GRM7: variants seen among roughly 807,000 people sequenced by gnomAD.
GRM7 encodes metabotropic glutamate receptor 7.
Under a neutral mutation model 84.5 loss-of-function variants are expected in GRM7, and 35 were observed. That is an observed-to-expected ratio of 0.41 (90% CI 0.32 to 0.55). GRM7 has a LOEUF of 0.55. GRM7 is among the 20% of genes least tolerant of loss of function. The pLI, the probability that GRM7 is intolerant of heterozygous loss-of-function variation, is 0.19. For synonymous variants in GRM7, 487 were observed against 455.1 expected (o/e 1.07, Z -0.89); for missense variants, 1,003 against 1,194.6 (o/e 0.84, Z 2.36).
At chr3:7,039,341 G>T (rs1696504033) in intron 1 of GRM7, among the ~76,000 whole-genome samples, 1 of 152,324 alleles carries the variant, frequency 6.6e-6, no homozygotes, top group African/African-American at 2.4e-5. Flanking sequence ...TCTTAAATGA[G>T]AAAGTGTTTT....
At chr3:7,262,388 T>C (rs1441677179) in intron 2 of GRM7, among the ~76,000 whole-genome samples, 2 of 152,168 alleles carry the variant, frequency 1.3e-5, no homozygotes, top group Non-Finnish European at 2.9e-5. Context: ...CTTGGTCTAT[T>C]CTGTTGTTAA....
chr3:7,666,216 C>A (rs1699693822), intron 8 of GRM7, among the ~76,000 whole-genome samples: 1 of 152,112 alleles, frequency 6.6e-6, no homozygotes, highest in African/African-American at 2.4e-5. Flanking sequence ...AAGGTTGAAC[C>A]TGAAGAATGA....
At chr3:7,459,616 A>C (rs940632563) in intron 6 of GRM7, among the ~76,000 whole-genome samples, 5 of 152,088 alleles carry the variant, frequency 3.3e-5, no homozygotes, top group Non-Finnish European at 7.4e-5. Flanking sequence ...TTTTAAAGAC[A>C]TCAGATCTGG....
chr3:7,674,174 T>G (rs116196710), intron 8 of GRM7, among the ~76,000 whole-genome samples: 32 of 152,100 alleles, frequency 2.1e-4, no homozygotes, highest in Middle Eastern at 6.9e-3. Context: ...CATCATGAAT[T>G]CTTTAGTAGT....
At chr3:7,591,326 T>C (rs1457328520) in intron 8 of GRM7, 1 of 207,274 alleles carries the variant, frequency 4.8e-6, no homozygotes, top group Non-Finnish European at 1.0e-5. Flanking sequence ...CAATCTCATA[T>C]ATAATTTTCA....
intron 1 of GRM7, among the ~76,000 whole-genome samples, chr3:6,876,310 G>A (rs1287721198): frequency 6.6e-6 from 1 of 152,040 alleles, no homozygotes; most frequent in African/African-American, 2.4e-5. Flanking sequence ...AGGGCCACTG[G>A]GTAGGAGTCA....
rs1239278114 is a variant in GRM7, at chr3:7,395,049, A to G, written c.1034-19974A>G. Among the ~76,000 whole-genome samples, 4 of 152,194 alleles carry G rather than the reference A, an allele frequency of 2.6e-5. No homozygotes were observed. The East Asian group carries it at 7.8e-4, about 30-fold the overall frequency. On this transcript the variant is annotated intron_variant, in intron 4 of 9. Coordinates refer to ENST00000357716, the MANE Select transcript of GRM7 (RefSeq NM_000844.4). ...GTGAAACTCTGTCTCAAAAAAAAAA[A>G]AAAAAAAGTTATAAGCGTATCTTAT...
rs1702672259 is a variant in GRM7, at chr3:7,740,924, T to A, written c.*518T>A. ...GGAAAAATTTTAAAACAATTAAAAT[T>A]TTAAAGCAATCTTGGCAGACTAAAA... On this transcript the variant is annotated 3_prime_UTR_variant, in exon 10 of 10. Transcript: ENST00000357716. The A allele has an allele frequency of 6.5e-6, 1 of 152,678 alleles. No individual in the cohort carries two copies. Among genetic ancestry groups the A allele is most frequent in the African/African-American group, 2.4e-5 (1 of 41,460 alleles). 9.5% of individuals were successfully genotyped at this position (152,678 alleles called of 1,614,324 possible). A position where few individuals can be genotyped will look rare whatever the true frequency, so the allele number is the denominator to read the frequency against.
chr3:7,698,937 A>G (rs988288505), intron 9 of GRM7, among the ~76,000 whole-genome samples: 1 of 152,196 alleles, frequency 6.6e-6, no homozygotes, highest in Non-Finnish European at 1.5e-5. Context: ...TTGAGGTTTT[A>G]CAACCAAGGA....
At chr3:6,964,200 A>C (rs1693409823) in intron 1 of GRM7, among the ~76,000 whole-genome samples, 1 of 152,152 alleles carries the variant, frequency 6.6e-6, no homozygotes, top group Non-Finnish European at 1.5e-5. Context: ...ACAAAGTACT[A>C]TGGACTGGGT....
At chr3:7,506,960 TACC>T (rs768552121) in intron 7 of GRM7, among the ~76,000 whole-genome samples, 38 of 152,200 alleles carry the variant, frequency 2.5e-4, no homozygotes, top group Non-Finnish European at 3.1e-4. Context: ...CTCTCACACC[TACC>T]ATCTTTTATC....
intron 1 of GRM7, among the ~76,000 whole-genome samples, chr3:6,868,935 C>G (rs921976211): frequency 6.6e-6 from 1 of 152,116 alleles, no homozygotes; most frequent in Non-Finnish European, 1.5e-5. Flanking sequence ...TCCACGGCTG[C>G]TGACTTTCTT....
intron 4 of GRM7, among the ~76,000 whole-genome samples, chr3:7,398,217 T>G (rs2125153217): frequency 6.6e-6 from 1 of 152,308 alleles, no homozygotes; most frequent in African/African-American, 2.4e-5. Context: ...TCAGAATTGC[T>G]TCAAAACATC....
intron 4 of GRM7, among the ~76,000 whole-genome samples, chr3:7,394,209 T>C (rs1695115347): frequency 6.6e-6 from 1 of 152,184 alleles, no homozygotes; most frequent in South Asian, 2.1e-4. Flanking sequence ...AACTTCTTGC[T>C]CTGTTTTGAA....
intron 2 of GRM7, among the ~76,000 whole-genome samples, chr3:7,293,946 T>C (rs915508569): frequency 6.6e-6 from 1 of 152,226 alleles, no homozygotes; most frequent in African/African-American, 2.4e-5. Flanking sequence ...GAACTGATGA[T>C]CAAAACAGTA....
chr3:7,582,993 T>C (rs1055740877), intron 8 of GRM7, among the ~76,000 whole-genome samples: 3 of 152,202 alleles, frequency 2.0e-5, no homozygotes, highest in South Asian at 2.1e-4. Context: ...AGACATCCTG[T>C]AAATATTTAC....
chr3:7,513,903 A>G (rs1243816583), intron 7 of GRM7, among the ~76,000 whole-genome samples: 3 of 152,224 alleles, frequency 2.0e-5, no homozygotes, highest in African/African-American at 7.2e-5. Context: ...TCCTAGCTAT[A>G]GCTATTTGCA....
chr3:7,298,135 A>G (rs1369041944), intron 2 of GRM7, among the ~76,000 whole-genome samples: 1 of 152,168 alleles, frequency 6.6e-6, no homozygotes, highest in Non-Finnish European at 1.5e-5. Flanking sequence ...TATGTTGTCA[A>G]TAAGTGTTTG....
chr3:7,552,071 A>G (rs1191266458), intron 7 of GRM7, among the ~76,000 whole-genome samples: 1 of 152,204 alleles, frequency 6.6e-6, no homozygotes, highest in African/African-American at 2.4e-5. Flanking sequence ...AACCACTCCC[A>G]TAATTCAATT....
Sources: allele counts gnomAD v4.1 joint callset (sites outside exome capture counted in the v4.1 genomes callset), GRCh38; gene constraint gnomAD v4.1.1; transcripts MANE v1.5; gene names NCBI Gene and HGNC (gene_info 2026-07-23, HGNC 2026-07-21).